Variants in SKAP1 observed in about 807,000 individuals in gnomAD.
SKAP1 encodes src kinase associated phosphoprotein 1.
Under a neutral mutation model 58.5 loss-of-function variants are expected in SKAP1, and 44 were observed. The ratio of observed to expected loss-of-function variants is 0.75; its 90% confidence interval spans 0.59 to 0.97. The LOEUF (loss-of-function observed/expected upper bound fraction) is 0.97. SKAP1 is among the 50% of genes least tolerant of loss of function. SKAP1 has a pLI of 0.00. For synonymous variants in SKAP1, 127 were observed against 149.7 expected, an observed-to-expected ratio of 0.85 and a Z score of 1.11; for missense variants, 390 against 435.2, an observed-to-expected ratio of 0.90 and a Z score of 0.92.
At chr17:48,187,215 A>G (rs930605177) in intron 6 of SKAP1, among the ~76,000 whole-genome samples, 1 of 152,234 alleles carries the variant, frequency 6.6e-6, no homozygotes, top group African/African-American at 2.4e-5. Flanking sequence ...GAGGTCTTCT[A>G]GGGTTAGCTC....
intron 4 of SKAP1, among the ~76,000 whole-genome samples, chr17:48,319,702 TGTAGTG>T (rs1399943842): frequency 6.6e-6 from 1 of 151,966 alleles, no homozygotes; most frequent in Non-Finnish European, 1.5e-5. Flanking sequence ...ATTAGCTGGG[TGTAGTG>T]GTATGGGCCT....
intron 4 of SKAP1, among the ~76,000 whole-genome samples, chr17:48,250,116 C>T (rs2065344660): frequency 6.6e-6 from 1 of 150,392 alleles, no homozygotes; most frequent in South Asian, 2.2e-4. Context: ...ACTGCAATTT[C>T]ATAATGTTTT....
chr17:48,414,216 C>A (rs1188208705), intron 1 of SKAP1, among the ~76,000 whole-genome samples: 1 of 152,082 alleles, frequency 6.6e-6, no homozygotes, highest in Non-Finnish European at 1.5e-5. Flanking sequence ...GTAGAGGCAC[C>A]TAGTCTCGAG....
chr17:48,324,358 A>G (rs1017225674), intron 4 of SKAP1, among the ~76,000 whole-genome samples: 2 of 152,076 alleles, frequency 1.3e-5, no homozygotes, highest in Non-Finnish European at 2.9e-5. Context: ...GTAATTAGAC[A>G]TTTAGGTTGT....
chr17:48,320,726 C>T (rs991797132), intron 4 of SKAP1, among the ~76,000 whole-genome samples: 5 of 151,872 alleles, frequency 3.3e-5, no homozygotes, highest in Non-Finnish European at 7.4e-5. Flanking sequence ...CCAGCCTGGG[C>T]AGCACAGTGA....
chr17:48,198,984 T>C (rs1444210385), intron 4 of SKAP1, among the ~76,000 whole-genome samples: 1 of 152,168 alleles, frequency 6.6e-6, no homozygotes, highest in Admixed American at 6.6e-5. Context: ...CCTTGCAAGA[T>C]CGACGTATTC....
chr17:48,336,496 G>A (rs1214890337), intron 4 of SKAP1, among the ~76,000 whole-genome samples: 3 of 152,154 alleles, frequency 2.0e-5, no homozygotes, highest in Admixed American at 6.5e-5. Context: ...TAAATGTTCA[G>A]TCTTTAATAC....
In SKAP1 at chr17:48,378,328, T is replaced by G. The variant is rs374172703; in HGVS notation, c.153-14514A>C. Among the ~76,000 whole-genome samples, 429 of 152,352 alleles carry G rather than the reference T, an allele frequency of 2.8e-3. 4 individuals are homozygous for G. The highest frequency in any genetic ancestry group is 9.6e-3 in the African/African-American group (398 of 41,586). On this transcript the variant is annotated intron_variant, in intron 2 of 12. Coordinates refer to ENST00000336915, the MANE Select transcript of SKAP1 (RefSeq NM_003726.4). ...TCCTCCATCTTCTAGCTGAGACTTT[T>G]GCTGCAGCCTTAGTTTCCTCATCTT...
intron 4 of SKAP1, among the ~76,000 whole-genome samples, chr17:48,198,752 C>G (rs1471618191): frequency 1.3e-5 from 2 of 152,090 alleles, no homozygotes; most frequent in Admixed American, 6.5e-5. Flanking sequence ...ATCAATAACA[C>G]ATATCTGTAA....
intron 4 of SKAP1, among the ~76,000 whole-genome samples, chr17:48,326,017 AT>A (rs1326745867): frequency 6.6e-6 from 1 of 152,238 alleles, no homozygotes; most frequent in East Asian, 1.9e-4. Flanking sequence ...GTACACACAC[AT>A]CATCATCATT....
At chr17:48,288,515 G>A (rs142408093) in intron 4 of SKAP1, among the ~76,000 whole-genome samples, 26,273 of 152,048 alleles carry the variant, frequency 0.17, 2,325 homozygotes, top group Non-Finnish European at 0.19. Flanking sequence ...GTGAAACCCC[G>A]TCTCTACTAA....
intron 4 of SKAP1, among the ~76,000 whole-genome samples, chr17:48,326,541 G>A (rs763429262): frequency 6.6e-6 from 1 of 152,272 alleles, no homozygotes. Context: ...AAGTGATTTC[G>A]TTTTGAATGG....
intron 4 of SKAP1, among the ~76,000 whole-genome samples, chr17:48,204,967 C>CTTTTA (rs1277582494): frequency 1.8e-5 from 1 of 54,530 alleles, no homozygotes; most frequent in African/African-American, 6.9e-5. Flanking sequence ...TCTTTCTTTT[C>CTTTTA]TTTTCTTTTC....
intron 5 of SKAP1, among the ~76,000 whole-genome samples, chr17:48,188,644 C>A (rs972157735): frequency 6.6e-6 from 1 of 151,740 alleles, no homozygotes; most frequent in Admixed American, 6.6e-5. Flanking sequence ...TATGATGGCG[C>A]TACTGTATTC....
chr17:48,272,832 C>G (rs2065650197), intron 4 of SKAP1, among the ~76,000 whole-genome samples: 1 of 152,252 alleles, frequency 6.6e-6, no homozygotes, highest in Non-Finnish European at 1.5e-5. Flanking sequence ...ACTGGGATTA[C>G]AGGTGTGAGC....
At chr17:48,370,760 C>A (rs8074212) in intron 2 of SKAP1, among the ~76,000 whole-genome samples, 50,773 of 152,036 alleles carry the variant, frequency 0.33, 9,168 homozygotes, top group African/African-American at 0.47. Context: ...CATTCAACCC[C>A]GTAATCCCAT....
intron 2 of SKAP1, among the ~76,000 whole-genome samples, chr17:48,379,228 C>T (rs575274918): frequency 9.2e-5 from 14 of 152,236 alleles, no homozygotes; most frequent in South Asian, 8.3e-4. Flanking sequence ...ATACACATTG[C>T]GGTGGCAAGA....
At chr17:48,156,593 A>G in intron 11 of SKAP1, 2 of 365,766 alleles carry the variant, frequency 5.5e-6, no homozygotes, top group South Asian at 4.3e-5. Context: ...CGCTGGATGC[A>G]CAGATCTGCT....
chr17:48,314,431 T>G (rs2066263301), intron 4 of SKAP1, among the ~76,000 whole-genome samples: 1 of 152,166 alleles, frequency 6.6e-6, no homozygotes, highest in Non-Finnish European at 1.5e-5. Context: ...AAAAGTAATC[T>G]TTCATCTGAC....
Sources: gnomAD v4.1 joint callset for allele counts (sites outside exome capture counted in the v4.1 genomes callset) on GRCh38, gnomAD v4.1.1 for gene constraint, MANE v1.5 for transcripts, NCBI Gene and HGNC (gene_info 2026-07-23, HGNC 2026-07-21) for gene names.